Variants in MYO7A observed in about 807,000 individuals in gnomAD.
MYO7A encodes unconventional myosin-VIIa.
A neutral mutation model predicts 263.8 loss-of-function variants in MYO7A; 210 were observed. The observed-to-expected ratio is 0.80, with a 90% confidence interval of 0.71 to 0.89. The LOEUF (loss-of-function observed/expected upper bound fraction) is 0.89, where lower values mean the gene tolerates loss of function less well. Among genes scored for constraint, MYO7A ranks in the 40% least tolerant of loss-of-function variants. MYO7A has a pLI of 0.00. For synonymous variants in MYO7A, 1,239 were observed against 1,197.3 expected (o/e 1.03, Z -0.72); for missense variants, 2,820 against 2,968.3 (o/e 0.95, Z 1.16).
In MYO7A at chr11:77,196,832, C is replaced by T. The variant is rs569100583; in HGVS notation, c.4324-649C>T. ...TAAAAACCAGGATTTCACTCTGACC[C>T]CTCCAATGCTACCCCAGAACCCCAG... On this transcript the variant is annotated intron_variant, in intron 32 of 48. Transcript: ENST00000409709. 3.8e-4 allele frequency among the ~76,000 whole-genome samples: 58 copies of T among 152,280 alleles called. 1 individual carries two copies. The East Asian group carries it at 0.011, about 28-fold the overall frequency.
rs1396741576 is a variant in MYO7A, at chr11:77,182,429, C to G, written c.3114C>G (p.Ala1038=). 15 of 1,604,584 alleles carry G rather than the reference C, an allele frequency of 9.3e-6. No homozygotes were observed. Among genetic ancestry groups the G allele is most frequent in the Non-Finnish European group, 1.3e-5 (15 of 1,179,270 alleles). Residue 1038 remains alanine, a synonymous_variant, in exon 25 of 49, where the codon GCC becomes GCG. Coordinates refer to ENST00000409709, the MANE Select transcript of MYO7A (RefSeq NM_000260.4). Reference sequence around the variant, plus strand: ...ACATGCGCGCTCTGCCCCAGGCAGCCCTGGCGGTCTGGATCACCATCCTCC... The same window carrying G: ...ACATGCGCGCTCTGCCCCAGGCAGCGCTGGCGGTCTGGATCACCATCCTCC... ...YHDDEGDQLA[A]LAVWITILRF...
chr11:77,160,449 C>T (rs954609759), intron 11 of MYO7A, among the ~76,000 whole-genome samples, 167 bp downstream of exon 11: 3 of 152,180 alleles, frequency 2.0e-5, no homozygotes, highest in African/African-American at 7.2e-5. Flanking sequence ...GCCCATGCTC[C>T]TCTGGGGCCT....
At chr11:77,167,084 C>T (rs782262951) in intron 15 of MYO7A, among the ~76,000 whole-genome samples, 36 of 152,332 alleles carry the variant, frequency 2.4e-4, no homozygotes, top group Middle Eastern at 6.8e-3. Flanking sequence ...TGCTGAGACT[C>T]GGGAAAAGGG....
intron 4 of MYO7A, among the ~76,000 whole-genome samples, chr11:77,150,158 G>A (rs1951863553): frequency 1.3e-5 from 2 of 152,240 alleles, no homozygotes; most frequent in Admixed American, 1.3e-4. Context: ...CTCCTGTCAG[G>A]AGGAGGCGGA....
intron 4 of MYO7A, among the ~76,000 whole-genome samples, chr11:77,150,538 A>G (rs988387801): frequency 6.6e-6 from 1 of 152,156 alleles, no homozygotes; most frequent in African/African-American, 2.4e-5. Context: ...AAAGGCCCCA[A>G]ATCTGAACCA....
At chr11:77,169,335 G>A (rs1356570467) in intron 15 of MYO7A, among the ~76,000 whole-genome samples, 2 of 152,244 alleles carry the variant, frequency 1.3e-5, no homozygotes, top group Non-Finnish European at 2.9e-5. Context: ...CTGTGATAAA[G>A]GCAGCTCTTC....
At chr11:77,210,927 A>G (rs1957819991) in intron 44 of MYO7A, 2 of 525,140 alleles carry the variant, frequency 3.8e-6, no homozygotes, top group Non-Finnish European at 3.4e-6. Context: ...AGACATGGCC[A>G]TGCACTCCAA....
chr11:77,184,694 G>A lies in MYO7A; in HGVS notation c.3482G>A (p.Gly1161Asp). The A allele has an allele frequency of 1.9e-6, 3 of 1,599,800 alleles. No individual in the cohort carries two copies. Among genetic ancestry groups the A allele is most frequent in the Non-Finnish European group, 2.6e-6 (3 of 1,172,828 alleles). Residue 1161 changes from glycine (G) to aspartate (D), a missense_variant, in exon 27 of 49, where the codon GGC becomes GAC. Coordinates refer to ENST00000409709, the MANE Select transcript of MYO7A (RefSeq NM_000260.4). The part of the protein sequence containing the change: ...LEKLHFIIGN[G>D]ILRPALRDEI... ...AAGCTGCACTTCATCATCGGCAATG[G>A]CATCCTGCGGCCAGCACTCCGGTCA...
chr11:77,201,641 A>G lies in MYO7A; in HGVS notation c.5043+3A>G. 1 of 1,612,274 alleles carries G rather than the reference A, an allele frequency of 6.2e-7. No individual in the cohort carries two copies. The highest frequency in any genetic ancestry group is 1.3e-5 in the African/African-American group (1 of 75,014). On this transcript the variant is annotated splice_donor_region_variant and intron_variant, in intron 36 of 48. Coordinates refer to ENST00000409709, the MANE Select transcript of MYO7A (RefSeq NM_000260.4). ...CCATGCCACCGCGGGAGATTGTGGT[A>G]TGTGGCCTGGGGGTGGCAGATGGGT...
At chr11:77,155,737 C>T (rs992709980) in intron 4 of MYO7A, among the ~76,000 whole-genome samples, 170 bp from the exon 5 acceptor site, 6 of 152,306 alleles carry the variant, frequency 3.9e-5, no homozygotes, top group South Asian at 4.1e-4. Context: ...GACAGAAGGC[C>T]CTGCCCCAGC....
At chr11:77,212,426 A>G in intron 46 of MYO7A, 1 of 352,338 alleles carries the variant, frequency 2.8e-6, no homozygotes, top group Non-Finnish European at 5.6e-6. Context: ...GGAGAGCAGC[A>G]GCTTGGCAAG....
At chr11:77,129,400 G>A (rs534534285) in intron 1 of MYO7A, among the ~76,000 whole-genome samples, 33 of 152,312 alleles carry the variant, frequency 2.2e-4, no homozygotes, top group East Asian at 1.4e-3. Context: ...CGAATGCCCC[G>A]GCGGCTCTGA....
At chr11:77,176,667 G>A (rs1267099308) in intron 18 of MYO7A, among the ~76,000 whole-genome samples, 1 of 152,212 alleles carries the variant, frequency 6.6e-6, no homozygotes, top group Non-Finnish European at 1.5e-5. Flanking sequence ...GTTTTGAGAG[G>A]CCAAACATGC....
In MYO7A at chr11:77,138,142, G is replaced by T. The variant is rs1448202760; in HGVS notation, c.19-4567G>T. Among the ~76,000 whole-genome samples, 1 of 152,074 alleles carries T rather than the reference G, an allele frequency of 6.6e-6. No homozygotes were observed. The highest frequency in any genetic ancestry group is 1.5e-5 in the Non-Finnish European group (1 of 67,970). ...GGGTTCGGCCGAGACGGAGGGGGCC[G>T]GGGTGGCGCGGGCGCCCCCTCGCCG... On this transcript the variant is annotated intron_variant, in intron 2 of 48. Transcript: ENST00000409709. The surrounding 1 kb of genome is among the most constrained non-coding windows in gnomAD (Gnocchi z 4.9).
Position 77,156,960 on chromosome 11 carries a change from A to G in MYO7A, c.691A>G (p.Lys231Glu). 1 of 1,613,928 alleles carries G rather than the reference A, an allele frequency of 6.2e-7. No homozygotes were observed. Among genetic ancestry groups the G allele is most frequent in the Non-Finnish European group, 8.5e-7 (1 of 1,179,894 alleles). Residue 231 changes from lysine (K) to glutamate (E), a missense_variant, in exon 7 of 49, where the codon AAG (lysine) becomes GAG (glutamate). Coordinates refer to ENST00000409709, the MANE Select transcript of MYO7A (RefSeq NM_000260.4). ...CAAGCGGGGCGCCATCGAGGGCGCGAAGATTGAGCAGTACCTGCTGGAAAA... is the reference window on the plus strand; with the variant it reads ...CAAGCGGGGCGCCATCGAGGGCGCGGAGATTGAGCAGTACCTGCTGGAAAA... ...FNKRGAIEGA[K>E]IEQYLLEKSR... is the part of the protein sequence containing the mutation.
chr11:77,153,741 C>A (rs548770296), intron 4 of MYO7A, among the ~76,000 whole-genome samples: 3 of 152,302 alleles, frequency 2.0e-5, no homozygotes, highest in African/African-American at 7.2e-5. Context: ...TCCTAAATGT[C>A]ACGCCCTTTC....
rs376811825 is a variant in MYO7A at position 77,172,866 on chromosome 11, A to G, written c.1916A>G (p.Asn639Ser). 133 of 1,551,968 alleles carry G rather than the reference A, an allele frequency of 8.6e-5. No homozygotes were observed. Among genetic ancestry groups the G allele is most frequent in the Non-Finnish European group, 1.1e-4 (122 of 1,147,142 alleles). ...TTCTTTGTGCGATGCATCAAGCCCAATGAGTTCAAGAAGCCCATGGTGAGT... is the reference window on the plus strand; with the variant it reads ...TTCTTTGTGCGATGCATCAAGCCCAGTGAGTTCAAGAAGCCCATGGTGAGT... ...QPFFVRCIKP[N>S]EFKKPMLFDR... Residue 639 changes from asparagine (N) to serine (S), a missense_variant, in exon 16 of 49, where the codon AAT (asparagine) becomes AGT (serine). Physicochemically the swap from Asn to Ser is conservative, Grantham distance 46. Coordinates refer to ENST00000409709, the MANE Select transcript of MYO7A (RefSeq NM_000260.4).
In MYO7A at chr11:77,162,132, C is replaced by A; in HGVS notation, c.1356C>A (p.Leu452=). The A allele has an allele frequency of 1.2e-6, 2 of 1,600,662 alleles. No homozygotes were observed. Among genetic ancestry groups the A allele is most frequent in the Non-Finnish European group, 1.7e-6 (2 of 1,173,712 alleles). The change falls in exon 13 of 49, where the codon CTC becomes CTA. Residue 452 remains leucine, a synonymous_variant. Coordinates refer to ENST00000409709, the MANE Select transcript of MYO7A (RefSeq NM_000260.4). ...ENFAVNSFEQ[L]CINFANEHLQ... ...TGTGCCCCTGCAGCTTTGAGCAGCT[C>A]TGCATCAACTTCGCCAATGAGCACC...
intron 31 of MYO7A, among the ~76,000 whole-genome samples, chr11:77,192,868 A>G (rs1205424933): frequency 7.1e-6 from 1 of 141,796 alleles, no homozygotes; most frequent in South Asian, 2.3e-4. Context: ...GGTAATGATG[A>G]TGGTGGTGAT....
Sources: allele counts gnomAD v4.1 joint callset (sites outside exome capture counted in the v4.1 genomes callset), GRCh38; gene constraint gnomAD v4.1.1; non-coding constraint Gnocchi (gnomAD v3.1); transcripts MANE v1.5; gene names NCBI Gene and HGNC (gene_info 2026-07-23, HGNC 2026-07-21).